The following SLC1A5 variants were observed in gnomAD, a reference collection of about 807,000 sequenced individuals.
SLC1A5 encodes the protein neutral amino acid transporter B(0).
In SLC1A5, 25 loss-of-function variants were observed where a neutral mutation model predicts 34.9. That is an observed-to-expected ratio of 0.72 (90% CI 0.52 to 1.00). The LOEUF is 1.00. SLC1A5 is among the 50% of genes least tolerant of loss of function. The probability of loss-of-function intolerance (pLI) is 0.00; values close to 1 mark genes in which losing one functional copy is unlikely to be tolerated. For missense variants in SLC1A5, 637 were observed against 740.0 expected, an observed-to-expected ratio of 0.86 and a Z score of 1.61; for synonymous variants, 351 against 341.2, an observed-to-expected ratio of 1.03 and a Z score of -0.32.
chr19:46,781,872 T>C (rs980963649), intron 4 of SLC1A5, among the ~76,000 whole-genome samples: 1 of 152,138 alleles, frequency 6.6e-6, no homozygotes, highest in Non-Finnish European at 1.5e-5. Flanking sequence ...CCAGGCACTG[T>C]CCTAAGACCT....
At chr19:46,784,894 C>A (rs537031395) in intron 1 of SLC1A5, 18 of 1,301,112 alleles carry the variant, frequency 1.4e-5, no homozygotes, top group Non-Finnish European at 1.7e-5. Context: ...AACTTAATAC[C>A]CTGGACAGCT....
At chr19:46,780,487 G>A (rs1308682583) in intron 4 of SLC1A5, among the ~76,000 whole-genome samples, 1 of 151,918 alleles carries the variant, frequency 6.6e-6, no homozygotes, top group Non-Finnish European at 1.5e-5. Context: ...CTGAGTAGTA[G>A]CTAGGATTAA....
At position 46,788,215 on chromosome 19, in the gene SLC1A5, T is replaced by TG. The variant is rs1044017088; in HGVS notation, c.-251dup. On this transcript the variant is annotated 5_prime_UTR_variant, in exon 1 of 8. Coordinates refer to ENST00000542575, the MANE Select transcript of SLC1A5 (RefSeq NM_005628.3). ...CCCCGTGTGCCAGATGTCCGAAAGCTGGGAGTTCGGAGCGCCCGGGTTCCT... is the reference window on the plus strand; with the variant it reads ...CCCCGTGTGCCAGATGTCCGAAAGCTGGGGAGTTCGGAGCGCCCGGGTTCCT... 1.5e-5 allele frequency: 7 copies of TG among 465,618 alleles called. No homozygotes were observed. Among genetic ancestry groups the TG allele is most frequent in the African/African-American group, 1.2e-4 (6 of 48,736 alleles). 28.8% of individuals were successfully genotyped at this position (465,618 alleles called of 1,614,324 possible).
intron 3 of SLC1A5, among the ~76,000 whole-genome samples, chr19:46,783,370 A>G (rs1034282261): frequency 1.3e-5 from 2 of 151,686 alleles, no homozygotes; most frequent in African/African-American, 4.8e-5. Context: ...GGCTGAGGCA[A>G]GAGAATAATC....
chr19:46,782,346 A>ACCACCCCCCCCCCCCCCC, intron 4 of SLC1A5, 37 bp downstream of exon 4: 1 of 567,982 alleles, frequency 1.8e-6, no homozygotes, highest in Non-Finnish European at 3.2e-6. Flanking sequence ...CGACCCTCCA[A>ACCACCCCCCCCCCCCCCC]CCCCACCCAC....
rs1568431386 is a variant in SLC1A5, at chr19:46,787,219, C to A, written c.566+181G>T. 4.2e-6 allele frequency: 6 copies of A among 1,427,550 alleles called. No individual in the cohort carries two copies. The highest frequency in any genetic ancestry group is 5.5e-6 in the Non-Finnish European group (6 of 1,093,808). 88.4% of individuals were successfully genotyped at this position (1,427,550 alleles called of 1,614,324 possible). A position where few individuals can be genotyped will look rare whatever the true frequency, so the allele number is the denominator to read the frequency against. On this transcript the variant is annotated intron_variant, in intron 1 of 7. Transcript: ENST00000542575. The surrounding 1 kb of genome is among the most constrained non-coding windows in gnomAD (Gnocchi z 5.2). ...AGGCCCCCAGATTTAGAAACCCCTT[C>A]CCCAGGAGACTAGACTCACACTCCC...
intron 1 of SLC1A5, 106 bp from the exon 2 acceptor site, chr19:46,784,665 G>A (rs773796046): frequency 1.4e-5 from 22 of 1,604,184 alleles, no homozygotes; most frequent in Non-Finnish European, 1.9e-5. Context: ...AGCTTTGGGG[G>A]CCCGCCTGCA....
rs541321972 is a variant in SLC1A5 at position 46,787,267 on chromosome 19, T to A, written c.566+133A>T. The stretch of plus-strand genomic sequence containing the variant: ...CCCGAGGGCTGGAGCCTCCCCTCAA[T>A]ATCCTGTCGAGTTTTCCTAAGACTC... On this transcript the variant is annotated intron_variant, in intron 1 of 7. Coordinates refer to ENST00000542575, the MANE Select transcript of SLC1A5 (RefSeq NM_005628.3). The surrounding 1 kb of genome is among the most constrained non-coding windows in gnomAD (Gnocchi z 5.2). The A allele has an allele frequency of 6.9e-7, 1 of 1,457,908 alleles. No homozygotes were observed. Among genetic ancestry groups the A allele is most frequent in the Non-Finnish European group, 9.1e-7 (1 of 1,104,684 alleles). The allele number at this position is 1,457,908 out of a possible 1,614,324, so 90.3% of individuals were successfully genotyped here. A position where few individuals can be genotyped will look rare whatever the true frequency, so the allele number is the denominator to read the frequency against.
chr19:46,782,333 G>C lies in SLC1A5; in HGVS notation c.824+50C>G. Reference sequence around the variant, plus strand: ...TGCCCCGCACCTGCCTCTGGCAGCAGACCGACCCTCCAACCCCACCCACCC... The same window carrying C: ...TGCCCCGCACCTGCCTCTGGCAGCACACCGACCCTCCAACCCCACCCACCC... On this transcript the variant is annotated intron_variant, in intron 4 of 7. Transcript: ENST00000542575. The C allele has an allele frequency of 3.0e-6, 4 of 1,326,036 alleles. 1 individual carries two copies. The South Asian group carries it at 5.0e-5, about 17-fold the overall frequency. The allele number at this position is 1,326,036 out of a possible 1,614,324, so 82.1% of individuals were successfully genotyped here.
chr19:46,784,228 G>A (rs2055169870), intron 2 of SLC1A5, 84 bp from the exon 3 acceptor site: 3 of 1,057,066 alleles, frequency 2.8e-6, no homozygotes, highest in Middle Eastern at 2.7e-4. Flanking sequence ...CTCAAAGCCT[G>A]CCCTTCCACA....
intron 6 of SLC1A5, 28 bp downstream of exon 6, chr19:46,777,183 G>A (rs2055097987): frequency 2.5e-6 from 4 of 1,601,686 alleles, no homozygotes; most frequent in African/African-American, 1.3e-5. Flanking sequence ...GGGTCCGGGG[G>A]TCCCATCCGC....
At chr19:46,783,466 C>CAAAAAA (rs113636275) in intron 3 of SLC1A5, among the ~76,000 whole-genome samples, 1 of 99,814 alleles carries the variant, frequency 1.0e-5, no homozygotes, top group African/African-American at 3.9e-5. Context: ...AATTCTGTCT[C>CAAAAAA]AAAAAAAAAA....
At chr19:46,782,806 G>T (rs533853033) in intron 3 of SLC1A5, among the ~76,000 whole-genome samples, 39 of 152,144 alleles carry the variant, frequency 2.6e-4, no homozygotes, top group Non-Finnish European at 4.4e-4. Context: ...GGAGTAGGGG[G>T]CAGTCAGGGG....
chr19:46,787,373 C>T lies in SLC1A5; in HGVS notation c.566+27G>A. 6.4e-7 allele frequency: 1 copy of T among 1,569,580 alleles called. No homozygotes were observed. Among genetic ancestry groups the T allele is most frequent in the South Asian group, 1.2e-5 (1 of 85,520 alleles). On this transcript the variant is annotated intron_variant, in intron 1 of 7. Transcript: ENST00000542575. The surrounding 1 kb of genome is among the most constrained non-coding windows in gnomAD (Gnocchi z 5.2). ...CTCCCGCCATCCGTAACACTCTTCC[C>T]CACCTCCCGGGGGAGCGGGAGCTGA...
intron 7 of SLC1A5, chr19:46,776,672 G>C (rs2055092298): frequency 3.4e-6 from 1 of 297,614 alleles, no homozygotes; most frequent in South Asian, 6.7e-5. Context: ...TGAGACGCAG[G>C]AAGATTAAGC....
chr19:46,787,693 G>T lies in SLC1A5; in HGVS notation c.273C>A (p.Phe91Leu). 1 of 1,588,586 alleles carries T rather than the reference G, an allele frequency of 6.3e-7. No homozygotes were observed. Reference protein sequence around the residue: ...LGPERLSAFVFPGELLLRLLR... With the variant: ...LGPERLSAFVLPGELLLRLLR... Reference sequence around the variant, plus strand: ...GCAGACGCAGCAGCAGCTCGCCCGGGAAGACGAAGGCGCTCAAGCGCTCCG... The same window carrying T: ...GCAGACGCAGCAGCAGCTCGCCCGGTAAGACGAAGGCGCTCAAGCGCTCCG... The change falls in exon 1 of 8, where the codon TTC becomes TTA. Residue 91 changes from phenylalanine (F) to leucine (L), a missense_variant. Coordinates refer to ENST00000542575, the MANE Select transcript of SLC1A5 (RefSeq NM_005628.3). The surrounding 1 kb of genome is among the most constrained non-coding windows in gnomAD (Gnocchi z 5.2).
chr19:46,784,190 C>G (rs1360898201), intron 2 of SLC1A5, 46 bp from the exon 3 acceptor site: 6 of 1,396,750 alleles, frequency 4.3e-6, no homozygotes, highest in Admixed American at 3.5e-5. Context: ...TTACCAGGGC[C>G]TCCCAACCCC....
intron 4 of SLC1A5, among the ~76,000 whole-genome samples, chr19:46,781,448 A>C (rs1027522537): frequency 3.3e-5 from 5 of 152,026 alleles, no homozygotes; most frequent in African/African-American, 1.2e-4. Context: ...AAAATACAAA[A>C]TTAGCCGGGC....
chr19:46,778,650 A>AAGCCCCCC, intron 5 of SLC1A5, 25 bp downstream of exon 5: 13 of 641,628 alleles, frequency 2.0e-5, no homozygotes, highest in Middle Eastern at 3.5e-4. Flanking sequence ...TAAACATCCC[A>AAGCCCCCC]CCCTAGCCCA....
Sources: allele counts gnomAD v4.1 joint callset (sites outside exome capture counted in the v4.1 genomes callset), GRCh38; gene constraint gnomAD v4.1.1; non-coding constraint Gnocchi (gnomAD v3.1); transcripts MANE v1.5; gene names NCBI Gene and HGNC (gene_info 2026-07-23, HGNC 2026-07-21).